Variants in PKIB observed in about 807,000 individuals in gnomAD.
The protein encoded by PKIB is PKI-beta.
In PKIB, 2 loss-of-function variants were observed where a neutral mutation model predicts 4.5. The ratio of observed to expected loss-of-function variants is 0.44; its 90% CI spans 0.18 to 1.39. The LOEUF is 1.39. Ranked by LOEUF, PKIB falls within the 40% of genes most tolerant of loss-of-function variation. PKIB has a pLI of 0.27. For synonymous variants in PKIB, 38 were observed against 36.0 expected (o/e 1.06, Z -0.20); for missense variants, 94 against 92.6 (o/e 1.02, Z -0.06).
At chr6:122,662,109 A>T (rs1475195008) in intron 2 of PKIB, among the ~76,000 whole-genome samples, 1 of 151,958 alleles carries the variant, frequency 6.6e-6, no homozygotes, top group Non-Finnish European at 1.5e-5. Flanking sequence ...CTTATCAGAC[A>T]TATGATTGGC....
intron 3 of PKIB, among the ~76,000 whole-genome samples, chr6:122,692,626 C>T (rs1279630679): frequency 2.1e-5 from 3 of 142,762 alleles, no homozygotes; most frequent in Non-Finnish European, 3.1e-5. Flanking sequence ...AAATGCCATC[C>T]AAGAGCCAAG....
chr6:122,513,336 C>T (rs916285108), intron 2 of PKIB, among the ~76,000 whole-genome samples: 4 of 152,192 alleles, frequency 2.6e-5, no homozygotes, highest in Admixed American at 1.3e-4. Context: ...GTTTCACCAG[C>T]TCTCTTGCTT....
chr6:122,724,665 TC>T (rs1779882817), intron 4 of PKIB, among the ~76,000 whole-genome samples: 1 of 152,094 alleles, frequency 6.6e-6, no homozygotes, highest in Admixed American at 6.6e-5. Flanking sequence ...TATTTTTTTT[TC>T]CTATGAAGTA....
intron 2 of PKIB, among the ~76,000 whole-genome samples, chr6:122,541,303 TTTTG>T (rs1777589657): frequency 6.6e-6 from 1 of 152,084 alleles, no homozygotes. Flanking sequence ...TTTGGCATGT[TTTTG>T]CAGTGGGTGG....
chr6:122,711,659 C>G (rs540172701), intron 3 of PKIB, among the ~76,000 whole-genome samples: 1 of 152,234 alleles, frequency 6.6e-6, no homozygotes, highest in African/African-American at 2.4e-5. Flanking sequence ...TAGTTTATTG[C>G]AGTCCATCTT....
chr6:122,589,899 A>G (rs1412951556), intron 3 of PKIB, among the ~76,000 whole-genome samples: 4 of 152,210 alleles, frequency 2.6e-5, no homozygotes, highest in Non-Finnish European at 4.4e-5. Context: ...GTGATCCTCA[A>G]ATATTTGCAA....
At chr6:122,641,945 G>A (rs951145587) in intron 2 of PKIB, among the ~76,000 whole-genome samples, 2 of 152,038 alleles carry the variant, frequency 1.3e-5, no homozygotes, top group East Asian at 1.9e-4. Flanking sequence ...TGCCCAACTC[G>A]GCCTCCCAAA....
intron 3 of PKIB, among the ~76,000 whole-genome samples, chr6:122,707,442 T>G (rs1562313145): frequency 6.6e-6 from 1 of 152,102 alleles, no homozygotes; most frequent in Non-Finnish European, 1.5e-5. Flanking sequence ...CCTAAGAGTT[T>G]TTCTTTAAAT....
intron 1 of PKIB, among the ~76,000 whole-genome samples, chr6:122,473,834 T>TA: frequency 6.6e-6 from 1 of 152,350 alleles, no homozygotes; most frequent in East Asian, 1.9e-4. Flanking sequence ...AGTACGTTAG[T>TA]AAAAAACATT....
At chr6:122,530,545 C>A (rs1055575410) in intron 2 of PKIB, among the ~76,000 whole-genome samples, 1 of 152,006 alleles carries the variant, frequency 6.6e-6, no homozygotes, top group African/African-American at 2.4e-5. Flanking sequence ...AAAAAACAAC[C>A]ACCCTCTCCC....
chr6:122,626,269 A>G (rs1775441030), intron 1 of PKIB, among the ~76,000 whole-genome samples: 1 of 152,214 alleles, frequency 6.6e-6, no homozygotes, highest in African/African-American at 2.4e-5. Context: ...GTGAGTGTAA[A>G]ACACATTTGC....
chr6:122,653,981 G>T (rs1485693040), intron 2 of PKIB, among the ~76,000 whole-genome samples: 1 of 152,100 alleles, frequency 6.6e-6, no homozygotes, highest in Non-Finnish European at 1.5e-5. Context: ...AAAAAAGGCA[G>T]GGTGGGGGCA....
At chr6:122,714,535 T>C (rs149124965) in intron 3 of PKIB, among the ~76,000 whole-genome samples, 1 of 152,154 alleles carries the variant, frequency 6.6e-6, no homozygotes, top group East Asian at 1.9e-4. Context: ...AAGGAAAAAC[T>C]TCCAAAATAG....
intron 2 of PKIB, among the ~76,000 whole-genome samples, chr6:122,647,696 C>G (rs1351806324): frequency 6.6e-6 from 1 of 152,114 alleles, no homozygotes; most frequent in Admixed American, 6.5e-5. Context: ...GGAAAGAAAG[C>G]AAAAATCTTA....
chr6:122,595,004 A>C (rs1345332637), intron 3 of PKIB, among the ~76,000 whole-genome samples: 1 of 152,150 alleles, frequency 6.6e-6, no homozygotes, highest in East Asian at 1.9e-4. Context: ...CTTCCAGTTT[A>C]ATGGGATCGT....
At chr6:122,709,520 A>G (rs1779190681) in intron 3 of PKIB, among the ~76,000 whole-genome samples, 1 of 152,070 alleles carries the variant, frequency 6.6e-6, no homozygotes, top group Admixed American at 6.6e-5. Context: ...TTACTATAAA[A>G]TACGTTATAT....
chr6:122,698,588 T>C (rs1472977138), intron 3 of PKIB, among the ~76,000 whole-genome samples: 1 of 152,290 alleles, frequency 6.6e-6, no homozygotes, highest in African/African-American at 2.4e-5. Flanking sequence ...GAGCAACTTA[T>C]GACCATCACA....
intron 3 of PKIB, among the ~76,000 whole-genome samples, chr6:122,588,012 A>G (rs1253377462): frequency 2.6e-5 from 4 of 152,084 alleles, no homozygotes; most frequent in South Asian, 2.1e-4. Flanking sequence ...TGCTGTGCAG[A>G]AGCTCTTTAG....
At chr6:122,561,980 TTTTG>T (rs1279499104) in intron 2 of PKIB, among the ~76,000 whole-genome samples, 6 of 139,798 alleles carry the variant, frequency 4.3e-5, no homozygotes, top group African/African-American at 1.4e-4. Context: ...CATAGTTTTT[TTTTG>T]TTTGTTTTTG....
Sources: allele counts gnomAD v4.1 joint callset (sites outside exome capture counted in the v4.1 genomes callset), GRCh38; gene constraint gnomAD v4.1.1; transcripts MANE v1.5; gene names NCBI Gene and HGNC (gene_info 2026-07-23, HGNC 2026-07-21).